SYAP1: variants seen among roughly 807,000 people sequenced by gnomAD.
SYAP1 encodes the protein synapse associated protein 1.
Under a neutral mutation model 29.6 loss-of-function variants are expected in SYAP1, and 3 were observed. The observed-to-expected ratio is 0.10, with a 90% CI of 0.05 to 0.26. The LOEUF (loss-of-function observed/expected upper bound fraction) is 0.26. SYAP1 is among the 10% of genes least tolerant of loss of function. The probability of loss-of-function intolerance (pLI) is 1.00; values close to 1 mark genes in which losing one functional copy is unlikely to be tolerated. For synonymous variants in SYAP1, 102 were observed against 102.7 expected, an observed-to-expected ratio of 0.99 and a Z score of 0.04; for missense variants, 217 against 264.1, an observed-to-expected ratio of 0.82 and a Z score of 1.24.
Position 16,757,422 on chromosome X carries a change from G to A in SYAP1, c.931+113G>A, listed in dbSNP as rs1157548773. The A allele has an allele frequency of 4.5e-6, 4 of 896,694 alleles. No homozygotes were observed. The African/African-American group carries it at 6.1e-5, about 14-fold the overall frequency. The allele number at this position is 896,694 out of a possible 1,213,427, so 73.9% of individuals were successfully genotyped here. On this transcript the variant is annotated intron_variant, in intron 8 of 8. Coordinates refer to ENST00000380155, the MANE Select transcript of SYAP1 (RefSeq NM_032796.4). ...TGCACAAAAATGTGTTGTAAATTTTGCATCAAAATTGATTCTTGTCAGAGG... is the reference window on the plus strand; with the variant it reads ...TGCACAAAAATGTGTTGTAAATTTTACATCAAAATTGATTCTTGTCAGAGG...
intron 5 of SYAP1, among the ~76,000 whole-genome samples, chrX:16,745,203 G>A (rs2147429802): frequency 8.9e-6 from 1 of 112,183 alleles, no homozygotes; most frequent in South Asian, 3.7e-4. Flanking sequence ...CTGCCTGGCT[G>A]CAGGCAGGAC....
rs115079370 is a variant in SYAP1 at position 16,744,243 on chromosome X, C to G, written c.575+403C>G. Among the ~76,000 whole-genome samples the G allele has an allele frequency of 5.6e-3, 634 of 112,393 alleles. 3 individuals carry two copies. Among genetic ancestry groups the G allele is most frequent in the African/African-American group, 0.02 (607 of 30,985 alleles). Reference sequence around the variant, plus strand: ...TAAGGCTTTTCCTCCAACAGCTCTTCTGGGCTCCACAAATCCCAGCTTGTC... The same window carrying G: ...TAAGGCTTTTCCTCCAACAGCTCTTGTGGGCTCCACAAATCCCAGCTTGTC... On this transcript the variant is annotated intron_variant, in intron 5 of 8. Transcript: ENST00000380155.
At chrX:16,743,896 AGCACATAATGATGGAAGGG>A in intron 5 of SYAP1, 56 bp downstream of exon 5, 1 of 1,154,023 alleles carries the variant, frequency 8.7e-7, no homozygotes. Flanking sequence ...GCTCAGTATC[AGCACATAATGATGGAAGGG>A]GCCAAAAGGG....
At chrX:16,758,958 C>A (rs1445075773) in intron 8 of SYAP1, among the ~76,000 whole-genome samples, 2 of 104,277 alleles carry the variant, frequency 1.9e-5, no homozygotes, top group African/African-American at 7.0e-5. Context: ...CTGAGGCGGG[C>A]GGATCACGAG....
In SYAP1 at chrX:16,761,497, A is replaced by C. The variant is rs749643995; in HGVS notation, c.*1138A>C. 2 of 111,373 alleles carry C rather than the reference A, an allele frequency of 1.8e-5. No individual in the cohort carries two copies. The highest frequency in any genetic ancestry group is 3.8e-5 in the Non-Finnish European group (2 of 53,168). The allele number at this position is 111,373 out of a possible 1,213,427, so 9.2% of individuals were successfully genotyped here. ...TCACCTTCTAGGACTTTATTGATTA[A>C]TCCTTCTCTTTCTGCTATACCAGCA... is the stretch of plus-strand genomic sequence containing the variant. On this transcript the variant is annotated 3_prime_UTR_variant, in exon 9 of 9. Transcript: ENST00000380155.
chrX:16,751,638 T>C (rs140488631), intron 5 of SYAP1, among the ~76,000 whole-genome samples: 2,766 of 108,941 alleles, frequency 0.025, 108 homozygotes, highest in African/African-American at 0.087. Context: ...TGTACATGTT[T>C]GTGTGCATGT....
At chrX:16,750,956 G>A (rs1237598276) in intron 5 of SYAP1, among the ~76,000 whole-genome samples, 4 of 107,344 alleles carry the variant, frequency 3.7e-5, no homozygotes, top group African/African-American at 1.4e-4. Context: ...TAGTAGAGAC[G>A]GGGTTTCACC....
Position 16,747,883 on chromosome X carries a change from G to A in SYAP1, c.575+4043G>A, listed in dbSNP as rs976369566. ...GGATCACCTGAGGTCAGGAGTTCGAGACCAGCCTGGCCAACCTGGTGAAAC... is the reference window on the plus strand; with the variant it reads ...GGATCACCTGAGGTCAGGAGTTCGAAACCAGCCTGGCCAACCTGGTGAAAC... On this transcript the variant is annotated intron_variant, in intron 5 of 8. Transcript: ENST00000380155. Among the ~76,000 whole-genome samples, 12 of 111,674 alleles carry A rather than the reference G, an allele frequency of 1.1e-4. 2 individuals are homozygous for A. The highest frequency in any genetic ancestry group is 1.1e-3 in the Admixed American group (11 of 10,468).
At chrX:16,737,051 C>T (rs1197983885) in intron 3 of SYAP1, among the ~76,000 whole-genome samples, 3 of 111,842 alleles carry the variant, frequency 2.7e-5, no homozygotes. Context: ...CATGCCTACT[C>T]TTACCATTTT....
At chrX:16,755,815 ATTC>A (rs1926830842) in intron 6 of SYAP1, among the ~76,000 whole-genome samples, 1 of 112,289 alleles carries the variant, frequency 8.9e-6, no homozygotes, top group African/African-American at 3.2e-5. Context: ...CATAGTTTAA[ATTC>A]TTAGTGAGTA....
chrX:16,759,845 A>C, intron 8 of SYAP1, among the ~76,000 whole-genome samples: 1 of 112,461 alleles, frequency 8.9e-6, no homozygotes, highest in East Asian at 2.8e-4. Flanking sequence ...CAGCCCAGTA[A>C]GTGCTCAATA....
intron 3 of SYAP1, among the ~76,000 whole-genome samples, chrX:16,740,312 T>G (rs1243315763): frequency 9.2e-6 from 1 of 108,639 alleles, no homozygotes; most frequent in Non-Finnish European, 1.9e-5. Context: ...ATTCCAGCCC[T>G]ATTGTTTACT....
intron 1 of SYAP1, among the ~76,000 whole-genome samples, chrX:16,733,259 G>A (rs752658429): frequency 9.0e-6 from 1 of 111,327 alleles, no homozygotes; most frequent in African/African-American, 3.3e-5. Context: ...TTTTGTTGGG[G>A]TTGACAGATA....
intron 1 of SYAP1, among the ~76,000 whole-genome samples, chrX:16,721,957 T>G: frequency 8.9e-6 from 1 of 112,272 alleles, no homozygotes; most frequent in Non-Finnish European, 1.9e-5. Flanking sequence ...TAGATGGAAG[T>G]ACCCACAAAC....
chrX:16,730,332 C>T (rs7062819), intron 1 of SYAP1, among the ~76,000 whole-genome samples: 15 of 112,391 alleles, frequency 1.3e-4, no homozygotes, highest in African/African-American at 4.5e-4. Context: ...CCAGCCTGGG[C>T]GAAAGAGCGA....
rs370997850 is a variant in SYAP1 at position 16,722,547 on chromosome X, T to A, written c.175+2648T>A. Among the ~76,000 whole-genome samples the A allele has an allele frequency of 6.6e-3, 705 of 106,452 alleles. 8 individuals are homozygous for A. The highest frequency in any genetic ancestry group is 0.023 in the African/African-American group (669 of 28,954). The allele number at this position is 106,452 out of a possible 115,157, so 92.4% of individuals were successfully genotyped here. A position where few individuals can be genotyped will look rare whatever the true frequency, so the allele number is the denominator to read the frequency against. ...CATCTCACAAAAAAAAAAAAAAAAA[T>A]CTCCTGGGAGCCCCATTTGTTCTGC... On this transcript the variant is annotated intron_variant, in intron 1 of 8. Coordinates refer to ENST00000380155, the MANE Select transcript of SYAP1 (RefSeq NM_032796.4).
At chrX:16,755,163 C>T (rs1390167000) in intron 6 of SYAP1, 70 bp downstream of exon 6, 2 of 1,033,164 alleles carry the variant, frequency 1.9e-6, no homozygotes, top group African/African-American at 3.7e-5. Flanking sequence ...AGCTTGACCT[C>T]TTATACGTAC....
intron 6 of SYAP1, 56 bp from the exon 7 acceptor site, chrX:16,756,607 A>G: frequency 1.0e-6 from 1 of 978,104 alleles, no homozygotes; most frequent in Non-Finnish European, 1.5e-6. Flanking sequence ...TGTGATTATA[A>G]TATGTATTCA....
rs146554905 is a variant in SYAP1 at position 16,741,614 on chromosome X, G to A, written c.362-102G>A. On this transcript the variant is annotated intron_variant, in intron 3 of 8. Transcript: ENST00000380155. ...ACTTATTGGTAAATTGCTACTTTTA[G>A]TGGTCATGCAGAAACTTTCATGCTT... 1,392 of 518,669 alleles carry A rather than the reference G, an allele frequency of 2.7e-3. 20 individuals carry two copies. In the African/African-American group the frequency reaches 0.03, roughly 11 times the overall value. 42.7% of individuals were successfully genotyped at this position (518,669 alleles called of 1,213,427 possible).
Sources: allele counts gnomAD v4.1 joint callset (sites outside exome capture counted in the v4.1 genomes callset), GRCh38; gene constraint gnomAD v4.1.1; transcripts MANE v1.5; gene names NCBI Gene and HGNC (gene_info 2026-07-23, HGNC 2026-07-21).